RBFOX1: variants seen among roughly 807,000 people sequenced by gnomAD.
RBFOX1 encodes the protein RNA binding protein fox-1 homolog 1.
Under a neutral mutation model 57.7 loss-of-function variants are expected in RBFOX1, and 8 were observed. The observed-to-expected ratio is 0.14, with a 90% CI of 0.08 to 0.25. The LOEUF is 0.25. Among genes scored for constraint, RBFOX1 ranks in the 10% least tolerant of loss-of-function variants. The probability of loss-of-function intolerance (pLI) is 1.00; values close to 1 mark genes in which losing one functional copy is unlikely to be tolerated. For synonymous variants in RBFOX1, 326 were observed against 222.4 expected (o/e 1.47, Z -4.15); for missense variants, 611 against 548.5 (o/e 1.11, Z -1.14).
At chr16:5,567,490 C>G (rs1481525720) in intron 2 of RBFOX1, among the ~76,000 whole-genome samples, 1 of 152,102 alleles carries the variant, frequency 6.6e-6, no homozygotes, top group Non-Finnish European at 1.5e-5. Context: ...CAGCGGGTCA[C>G]CACCTGCCCC....
chr16:6,053,711 A>G (rs2095580638), intron 1 of RBFOX1, among the ~76,000 whole-genome samples: 1 of 152,172 alleles, frequency 6.6e-6, no homozygotes, highest in East Asian at 1.9e-4. Flanking sequence ...CAGGTCTTAA[A>G]TGGCATTTCC....
chr16:5,676,508 G>T (rs928939178), intron 3 of RBFOX1, among the ~76,000 whole-genome samples: 2 of 152,182 alleles, frequency 1.3e-5, no homozygotes, highest in Non-Finnish European at 2.9e-5. Context: ...GTTTTTCCAT[G>T]TGCAAAATGC....
At chr16:7,505,605 G>T (rs892232143) in intron 4 of RBFOX1, among the ~76,000 whole-genome samples, 5 of 152,182 alleles carry the variant, frequency 3.3e-5, no homozygotes, top group Non-Finnish European at 7.3e-5. Flanking sequence ...CCTCTCCATT[G>T]CCTTCTGTAA....
intron 3 of RBFOX1, among the ~76,000 whole-genome samples, chr16:7,044,968 T>A (rs939279522): frequency 5.3e-5 from 8 of 152,194 alleles, no homozygotes; most frequent in African/African-American, 1.7e-4. Context: ...ACACCCTGTT[T>A]GGGGTGCTGT....
rs562938857 is a variant in RBFOX1 at position 6,302,029 on chromosome 16, A to C, written c.-126-14966A>C. 6.6e-5 allele frequency among the ~76,000 whole-genome samples: 10 copies of C among 152,228 alleles called. No individual in the cohort carries two copies. In the East Asian group the frequency reaches 1.4e-3, roughly 21 times the overall value. ...CTGCAGGTTTTCAGTTCTTACCACTATATGTTACTGTCCGTCATGACAAGA... is the reference window on the plus strand; with the variant it reads ...CTGCAGGTTTTCAGTTCTTACCACTCTATGTTACTGTCCGTCATGACAAGA... On this transcript the variant is annotated intron_variant, in intron 1 of 15. Transcript: ENST00000550418.
chr16:5,649,073 T>A (rs72633291), intron 3 of RBFOX1, among the ~76,000 whole-genome samples: 41,965 of 151,464 alleles, frequency 0.28, 7,083 homozygotes, highest in East Asian at 0.85. Flanking sequence ...CAAAAAAAAA[T>A]ATATATCAGA....
At chr16:5,304,829 A>T (rs947856410) in intron 1 of RBFOX1, among the ~76,000 whole-genome samples, 1 of 95,432 alleles carries the variant, frequency 1.0e-5, no homozygotes, top group Non-Finnish European at 2.6e-5. Flanking sequence ...AGCCATATAA[A>T]GTGATTTTTT....
intron 3 of RBFOX1, among the ~76,000 whole-genome samples, chr16:5,609,871 C>T (rs1244084751): frequency 3.6e-5 from 4 of 109,742 alleles, no homozygotes; most frequent in Admixed American, 1.1e-4. Flanking sequence ...TGTGCAGAGA[C>T]GGTGGGGGCG....
intron 1 of RBFOX1, among the ~76,000 whole-genome samples, chr16:6,184,160 T>G (rs1255286207): frequency 6.6e-6 from 1 of 152,154 alleles, no homozygotes; most frequent in Non-Finnish European, 1.5e-5. Context: ...TGGGGGAAAC[T>G]GCCCCCATGA....
intron 4 of RBFOX1, among the ~76,000 whole-genome samples, chr16:7,074,832 C>A (rs915539916): frequency 2.0e-4 from 31 of 152,162 alleles, no homozygotes; most frequent in African/African-American, 7.5e-4. Context: ...GAAAAGAGAT[C>A]TATATTTGTC....
chr16:6,742,379 G>T (rs1372699697), intron 3 of RBFOX1, among the ~76,000 whole-genome samples: 2 of 152,160 alleles, frequency 1.3e-5, no homozygotes, highest in Admixed American at 6.5e-5. Flanking sequence ...ATATACTGAT[G>T]ATGGCAATGC....
At chr16:6,855,845 C>CCTTCCCTCCCTCTTTCCCTCTCTG (rs202089163) in intron 3 of RBFOX1, among the ~76,000 whole-genome samples, 2 of 114,674 alleles carry the variant, frequency 1.7e-5, no homozygotes, top group Non-Finnish European at 3.8e-5. Context: ...TTCCCTCCCT[C>CCTTCCCTCCCTCTTTCCCTCTCTG]TTTCCCTCCC....
At chr16:6,424,271 C>G (rs1404268312) in intron 2 of RBFOX1, among the ~76,000 whole-genome samples, 2 of 152,102 alleles carry the variant, frequency 1.3e-5, no homozygotes, top group African/African-American at 4.8e-5. Context: ...AAACAAACAA[C>G]AACAACAACA....
At chr16:5,879,893 A>G (rs529945330) in intron 4 of RBFOX1, among the ~76,000 whole-genome samples, 2 of 152,260 alleles carry the variant, frequency 1.3e-5, no homozygotes, top group South Asian at 4.2e-4. Flanking sequence ...TGACCTTTTC[A>G]TTGCCTTAGC....
At chr16:5,790,532 A>G (rs1304136278) in intron 3 of RBFOX1, among the ~76,000 whole-genome samples, 1 of 150,958 alleles carries the variant, frequency 6.6e-6, no homozygotes, top group Non-Finnish European at 1.5e-5. Context: ...AGGACTCAGA[A>G]TGTTCAGAAA....
intron 3 of RBFOX1, among the ~76,000 whole-genome samples, chr16:6,836,209 C>T (rs956914358): frequency 1.3e-5 from 2 of 152,142 alleles, no homozygotes; most frequent in African/African-American, 2.4e-5. Context: ...CTTTTCTCAT[C>T]GTTTCTTGAA....
At chr16:6,753,341 T>G (rs145018584) in intron 3 of RBFOX1, among the ~76,000 whole-genome samples, 1 of 152,176 alleles carries the variant, frequency 6.6e-6, no homozygotes, top group South Asian at 2.1e-4. Flanking sequence ...TACTGCAGTA[T>G]TGGAAAAATA....
At chr16:6,684,709 A>C (rs1486027574) in intron 3 of RBFOX1, among the ~76,000 whole-genome samples, 1 of 152,198 alleles carries the variant, frequency 6.6e-6, no homozygotes, top group African/African-American at 2.4e-5. Context: ...GATCACCTTA[A>C]ATTGTGCATG....
At chr16:6,391,842 G>A (rs549379685) in intron 2 of RBFOX1, among the ~76,000 whole-genome samples, 18 of 152,192 alleles carry the variant, frequency 1.2e-4, no homozygotes, top group Non-Finnish European at 2.5e-4. Context: ...CTGAAGTAAG[G>A]GAAAACAAAC....
Sources: gnomAD v4.1 joint callset for allele counts (sites outside exome capture counted in the v4.1 genomes callset) on GRCh38, gnomAD v4.1.1 for gene constraint, MANE v1.5 for transcripts, NCBI Gene and HGNC (gene_info 2026-07-23, HGNC 2026-07-21) for gene names.